The following ATG7 variants were observed in gnomAD, a reference collection of about 807,000 sequenced individuals.
ATG7 encodes the protein ubiquitin-like modifier-activating enzyme ATG7.
A neutral mutation model predicts 82.4 loss-of-function variants in ATG7; 70 were observed. The observed-to-expected ratio is 0.85, with a 90% CI of 0.70 to 1.04. The LOEUF is 1.04. Ranked by LOEUF, ATG7 falls within the 50% of genes least tolerant of loss-of-function variation. ATG7 has a pLI of 0.00. For missense variants in ATG7, 792 were observed against 864.3 expected, an observed-to-expected ratio of 0.92 and a Z score of 1.05; for synonymous variants, 287 against 313.0, an observed-to-expected ratio of 0.92 and a Z score of 0.88.
At chr3:11,450,512 T>C (rs2085009687) in intron 20 of ATG7, among the ~76,000 whole-genome samples, 1 of 152,156 alleles carries the variant, frequency 6.6e-6, no homozygotes, top group Admixed American at 6.5e-5. Flanking sequence ...TCACAAGAGA[T>C]CAATGTACAA....
chr3:11,384,082 C>T (rs1373407987), intron 19 of ATG7, among the ~76,000 whole-genome samples: 2 of 152,220 alleles, frequency 1.3e-5, no homozygotes, highest in Non-Finnish European at 2.9e-5. Context: ...ACTAGTCCTT[C>T]TCTAAAAGGA....
intron 14 of ATG7, among the ~76,000 whole-genome samples, chr3:11,350,581 G>C (rs1211629598): frequency 6.6e-6 from 1 of 152,152 alleles, no homozygotes; most frequent in African/African-American, 2.4e-5. Context: ...GCTTAAAAGG[G>C]TTGGTGATTA....
At chr3:11,523,251 C>T (rs781373937) in intron 20 of ATG7, among the ~76,000 whole-genome samples, 2 of 151,990 alleles carry the variant, frequency 1.3e-5, no homozygotes, top group Admixed American at 6.6e-5. Context: ...CTTTCTTGGG[C>T]GGGGCAGCGG....
At chr3:11,374,518 G>C (rs946096026) in intron 18 of ATG7, among the ~76,000 whole-genome samples, 16 of 152,132 alleles carry the variant, frequency 1.1e-4, no homozygotes, top group African/African-American at 3.9e-4. Flanking sequence ...ACTTGGATTA[G>C]ACAATGGTTT....
chr3:11,331,565 A>G (rs1951654044), intron 10 of ATG7, 137 bp downstream of exon 10: 1 of 772,228 alleles, frequency 1.3e-6, no homozygotes. Flanking sequence ...CAGGTAATCA[A>G]TAAATCAGTC....
At chr3:11,344,119 A>C (rs1954107471) in intron 13 of ATG7, among the ~76,000 whole-genome samples, 1 of 151,450 alleles carries the variant, frequency 6.6e-6, no homozygotes, top group Non-Finnish European at 1.5e-5. Context: ...ACTGGGATGT[A>C]GGAAAAATAG....
intron 14 of ATG7, among the ~76,000 whole-genome samples, chr3:11,351,364 AAACCCCTGAAGGATG>A (rs1313264732): frequency 6.6e-6 from 1 of 152,206 alleles, no homozygotes; most frequent in East Asian, 1.9e-4. Context: ...TTGAGAAAAC[AAACCCCTGAAGGATG>A]AGTGGGAGTT....
At chr3:11,476,949 C>T (rs1359853616) in intron 20 of ATG7, among the ~76,000 whole-genome samples, 1 of 152,188 alleles carries the variant, frequency 6.6e-6, no homozygotes, top group Non-Finnish European at 1.5e-5. Flanking sequence ...AAGCAAACTG[C>T]CATAAAACCC....
intron 9 of ATG7, among the ~76,000 whole-genome samples, chr3:11,318,533 C>A (rs1949757508): frequency 6.6e-6 from 1 of 152,202 alleles, no homozygotes. Context: ...CTACCTGTGG[C>A]CCTGAATGTT....
intron 20 of ATG7, among the ~76,000 whole-genome samples, chr3:11,554,549 G>A (rs1038681474): frequency 6.6e-6 from 1 of 152,190 alleles, no homozygotes; most frequent in African/African-American, 2.4e-5. Context: ...AGGTGGACAT[G>A]CAGGAGGTGA....
intron 18 of ATG7, among the ~76,000 whole-genome samples, chr3:11,368,654 C>G (rs922343470): frequency 7.1e-6 from 1 of 139,918 alleles, no homozygotes; most frequent in Non-Finnish European, 1.6e-5. Flanking sequence ...TGTGGTGGCA[C>G]GCACCTGTGG....
downstream of ATG7, chr3:11,558,285 G>A (rs779048426): frequency 9.0e-6 from 5 of 553,378 alleles, no homozygotes; most frequent in Non-Finnish European, 1.6e-5. Context: ...TGCATCAGAG[G>A]TTTCTTTGGT....
At position 11,475,907 on chromosome 3, in the gene ATG7, ACC is replaced by A. The variant is rs1553687237; in HGVS notation, c.2079+48985_2079+48986del. On this transcript the variant is annotated intron_variant, in intron 20 of 20. Coordinates refer to ENST00000693202, the MANE Select transcript of ATG7 (RefSeq NM_001349232.2). ...CACACACACACACACACACACACAC[ACC>A]CCCTCCCAGAGTCCGAGCATTCTAG... Among the ~76,000 whole-genome samples, 446 of 146,314 alleles carry A rather than the reference ACC, an allele frequency of 3.0e-3. 2 individuals are homozygous for A. The highest frequency in any genetic ancestry group is 5.2e-3 in the African/African-American group (204 of 38,950).
chr3:11,335,663 C>G (rs1202859813), intron 11 of ATG7, among the ~76,000 whole-genome samples: 2 of 152,164 alleles, frequency 1.3e-5, no homozygotes, highest in Non-Finnish European at 2.9e-5. Context: ...ACATCCTACT[C>G]TCTATGATAA....
intron 9 of ATG7, among the ~76,000 whole-genome samples, chr3:11,321,322 T>C (rs1950187733): frequency 6.6e-6 from 1 of 152,166 alleles, no homozygotes. Context: ...TTCACTTGTG[T>C]GTGAAGCCTT....
At chr3:11,498,498 C>T (rs1243927693) in intron 20 of ATG7, among the ~76,000 whole-genome samples, 2 of 152,312 alleles carry the variant, frequency 1.3e-5, no homozygotes, top group East Asian at 3.9e-4. Context: ...TCTCATTCCT[C>T]CAATCCATCC....
chr3:11,333,980 A>G (rs1455966357), intron 11 of ATG7, among the ~76,000 whole-genome samples: 1 of 151,928 alleles, frequency 6.6e-6, no homozygotes, highest in African/African-American at 2.4e-5. Flanking sequence ...CCATCTCCTG[A>G]CCTTGTGATC....
intron 20 of ATG7, among the ~76,000 whole-genome samples, chr3:11,521,047 G>A (rs1468780373): frequency 6.6e-6 from 1 of 152,190 alleles, no homozygotes; most frequent in Non-Finnish European, 1.5e-5. Context: ...GTAGACCATT[G>A]GGTTCCCAGT....
chr3:11,448,699 T>G (rs1276353340), intron 20 of ATG7, among the ~76,000 whole-genome samples: 1 of 152,174 alleles, frequency 6.6e-6, no homozygotes, highest in Non-Finnish European at 1.5e-5. Flanking sequence ...TAGATTTCAA[T>G]AAACACCACA....
Sources: allele counts gnomAD v4.1 joint callset (sites outside exome capture counted in the v4.1 genomes callset), GRCh38; gene constraint gnomAD v4.1.1; transcripts MANE v1.5; gene names NCBI Gene and HGNC (gene_info 2026-07-23, HGNC 2026-07-21).